CTU2: variants seen among roughly 807,000 people sequenced by gnomAD.
CTU2 encodes cytosolic thiouridylase subunit 2, also known as cytoplasmic tRNA 2-thiolation protein 2.
In CTU2, 80 loss-of-function variants were observed where a neutral mutation model predicts 64.1. The observed-to-expected ratio is 1.25, with a 90% CI of 1.04 to 1.50. CTU2 has a LOEUF of 1.50. CTU2 is among the 40% of genes most tolerant of loss of function. The pLI is 0.00. For synonymous variants in CTU2, 482 were observed against 285.3 expected (o/e 1.69, Z -6.95); for missense variants, 1,110 against 690.2 (o/e 1.61, Z -6.81).
In CTU2 at chr16:88,710,053, T is replaced by C. The variant is rs115768982; in HGVS notation, c.222+37T>C. The C allele has an allele frequency of 9.9e-4, 1,594 of 1,607,372 alleles. 17 individuals carry two copies. The African/African-American group carries it at 0.018, about 18-fold the overall frequency. On this transcript the variant is annotated intron_variant, in intron 3 of 14. Transcript: ENST00000453996. ...GTCCTGGGGGTCTGACTGAGCAGCC[T>C]GGCCCCTCGAGGTCCCTGCTTGTCC...
intron 1 of CTU2, chr16:88,706,930 C>T (rs779813952): frequency 6.8e-6 from 4 of 584,380 alleles, no homozygotes; most frequent in South Asian, 2.2e-5. Context: ...GCCCCCTGAG[C>T]CGGCTTTTCT....
chr16:88,714,460 T>G lies in CTU2; in HGVS notation c.1175T>G (p.Met392Arg). The change falls in exon 11 of 15, where the codon ATG becomes AGG. Residue 392 changes from methionine to arginine, a missense_variant. Met to Arg is a moderately conservative substitution (Grantham distance 91). Transcript: ENST00000453996. ...TCCGGCCCCCGCTGCCTCCTCTGCA[T>G]GTGTGCCCTGGACGTCGACGCCGCT... The part of the protein sequence containing the change: ...GDSGPRCLLC[M>R]CALDVDAADS... The G allele has an allele frequency of 6.2e-7, 1 of 1,612,558 alleles. No individual in the cohort carries two copies. Among genetic ancestry groups the G allele is most frequent in the South Asian group, 1.1e-5 (1 of 91,082 alleles).
chr16:88,715,214 T>C lies in CTU2; in HGVS notation c.1511T>C (p.Leu504Pro). ...GGCTTGCAGGAGATCCGGGACTGTC[T>C]GATTGAGGACAGTGACGACGAGGCG... The part of the protein sequence containing the change: ...AWGLQEIRDC[L>P]IEDSDDEAGQ... Residue 504 changes from leucine (L) to proline (P), a missense_variant, in exon 15 of 15, where the codon CTG becomes CCG. Transcript: ENST00000453996. The C allele has an allele frequency of 6.2e-7, 1 of 1,612,294 alleles. No homozygotes were observed. Among genetic ancestry groups the C allele is most frequent in the Non-Finnish European group, 8.5e-7 (1 of 1,179,856 alleles).
In CTU2 at chr16:88,709,943, G is replaced by GT. The variant is rs1911181243; in HGVS notation, c.152dup (p.Lys52GlnfsTer43). On this transcript the variant is annotated frameshift_variant, in exon 3 of 15. Transcript: ENST00000453996. LOFTEE classifies it high-confidence loss of function. ...ATCTCAGGTCTGTGTTGCAGGGACTGTTTCAAGGCCTTCTACGTCCACAAG... is the reference window on the plus strand; with the variant it reads ...ATCTCAGGTCTGTGTTGCAGGGACTGTTTTCAAGGCCTTCTACGTCCACAAG... 1 of 1,613,852 alleles carries GT rather than the reference G, an allele frequency of 6.2e-7. No individual in the cohort carries two copies.
intron 2 of CTU2, chr16:88,708,965 T>G (rs898421372): frequency 3.9e-5 from 6 of 152,154 alleles, no homozygotes; most frequent in African/African-American, 1.2e-4. Flanking sequence ...GTCAGATGGC[T>G]GGAAAGTTTA....
chr16:88,713,329 A>T lies in CTU2; in HGVS notation c.755A>T (p.His252Leu). 2 of 1,551,760 alleles carry T rather than the reference A, an allele frequency of 1.3e-6. No individual in the cohort carries two copies. The highest frequency in any genetic ancestry group is 1.7e-6 in the Non-Finnish European group (2 of 1,148,604). ...LQTLRTHLIL[H>L]MARAHGYSKV... is the part of the protein sequence containing the mutation. Reference sequence around the variant, plus strand: ...TGCTTTAGGACCCACCTGATCCTCCACATGGCCCGAGCCCACGGCTACTCC... The same window carrying T: ...TGCTTTAGGACCCACCTGATCCTCCTCATGGCCCGAGCCCACGGCTACTCC... The change falls in exon 8 of 15, where the codon CAC becomes CTC. Residue 252 changes from histidine (H) to leucine (L), a missense_variant. Physicochemically the swap from His to Leu is moderately conservative, Grantham distance 99. Coordinates refer to ENST00000453996, the MANE Select transcript of CTU2 (RefSeq NM_001012759.3).
Position 88,714,117 on chromosome 16 carries a change from C to G in CTU2, c.1006-19C>G, listed in dbSNP as rs569260103. The G allele has an allele frequency of 6.2e-7, 1 of 1,611,264 alleles. No homozygotes were observed. The highest frequency in any genetic ancestry group is 1.1e-5 in the South Asian group (1 of 91,068). On this transcript the variant is annotated intron_variant, in intron 9 of 14. Coordinates refer to ENST00000453996, the MANE Select transcript of CTU2 (RefSeq NM_001012759.3). ...TGGCCTCTGGGCTTTCCCATAGCCT[C>G]CAATCTGATTGTCCCTAGGCCCCTG...
intron 5 of CTU2, 138 bp from the exon 6 acceptor site, chr16:88,712,136 C>G (rs571453816): frequency 2.5e-6 from 2 of 785,236 alleles, no homozygotes; most frequent in Admixed American, 4.0e-5. Flanking sequence ...GGAAAATGGC[C>G]GACACCCCAC....
rs745588126 is a variant in CTU2, at chr16:88,712,740, G to C, written c.572G>C (p.Gly191Ala). The C allele has an allele frequency of 6.2e-7, 1 of 1,609,186 alleles. No homozygotes were observed. ...FLQQQHVLGAGGGPGPTQGEE... is the reference protein window; with the variant it reads ...FLQQQHVLGAAGGPGPTQGEE... ...CAGCAGCAGCATGTGCTGGGGGCCG[G>C]GGGTGGTCCTGGCCCGACTCAAGGG... Residue 191 changes from glycine (G) to alanine (A), a missense_variant, in exon 7 of 15, where the codon GGG (glycine) becomes GCG (alanine). By Grantham distance (60) the Gly-to-Ala change is moderately conservative. Coordinates refer to ENST00000453996, the MANE Select transcript of CTU2 (RefSeq NM_001012759.3).
At chr16:88,714,963 G>A (rs1196163630) in intron 13 of CTU2, 37 bp downstream of exon 13, 2 of 1,597,788 alleles carry the variant, frequency 1.3e-6, no homozygotes, top group East Asian at 2.3e-5. Flanking sequence ...CCGGGCTTGG[G>A]GACGCGGGAA....
At chr16:88,713,604 A>G in intron 8 of CTU2, 43 bp from the exon 9 acceptor site, 1 of 1,595,914 alleles carries the variant, frequency 6.3e-7, no homozygotes, top group Non-Finnish European at 8.6e-7. Context: ...GGGCAAGCAC[A>G]TTCGGGCCTT....
chr16:88,710,433 C>G (rs538292159), intron 4 of CTU2, 151 bp downstream of exon 4: 581 of 695,306 alleles, frequency 8.4e-4, no homozygotes, highest in Non-Finnish European at 1.2e-3. Context: ...GATGTGTTCA[C>G]AACAGGTGCA....
At chr16:88,712,194 T>C (rs764490899) in intron 5 of CTU2, 80 bp from the exon 6 acceptor site, 4 of 1,254,506 alleles carry the variant, frequency 3.2e-6, no homozygotes, top group Non-Finnish European at 4.6e-6. Context: ...TCGAAGGGTT[T>C]TCCCAGGTGG....
chr16:88,713,479 A>C (rs760907736), intron 8 of CTU2, 32 bp downstream of exon 8: 3 of 1,561,878 alleles, frequency 1.9e-6, no homozygotes, highest in Admixed American at 2.1e-5. Context: ...CAGGAGGCCC[A>C]TCCTCACCTT....
At chr16:88,712,561 T>C (rs1382195377) in intron 6 of CTU2, 61 bp from the exon 7 acceptor site, 6 of 1,567,500 alleles carry the variant, frequency 3.8e-6, no homozygotes, top group Non-Finnish European at 5.2e-6. Flanking sequence ...AAGGTGGGGC[T>C]GTCTGTGGGG....
intron 2 of CTU2, among the ~76,000 whole-genome samples, chr16:88,708,346 G>A (rs550925967): frequency 1.3e-5 from 2 of 152,294 alleles, no homozygotes; most frequent in South Asian, 2.1e-4. Flanking sequence ...AGGTCAGCAC[G>A]TGGGAGAAAC....
At chr16:88,707,063 C>T in intron 1 of CTU2, 73 bp from the exon 2 acceptor site, 3 of 1,467,216 alleles carry the variant, frequency 2.0e-6, no homozygotes, top group Admixed American at 1.7e-5. Flanking sequence ...CAGGAGCTGT[C>T]TCCCCAAAGC....
intron 4 of CTU2, 179 bp downstream of exon 4, chr16:88,710,461 CCA>C (rs1911227401): frequency 3.2e-6 from 2 of 618,678 alleles, no homozygotes; most frequent in South Asian, 2.0e-5. Flanking sequence ...GGAGCTGAGT[CCA>C]CAGTGTGTGT....
intron 1 of CTU2, 186 bp from the exon 2 acceptor site, chr16:88,706,950 A>G (rs768801464): frequency 6.7e-5 from 41 of 610,390 alleles, no homozygotes; most frequent in Non-Finnish European, 9.8e-5. Flanking sequence ...TAGGCTAAAC[A>G]TCCCCCCAGA....
Sources: gnomAD v4.1 joint callset for allele counts (sites outside exome capture counted in the v4.1 genomes callset) on GRCh38, gnomAD v4.1.1 for gene constraint, MANE v1.5 for transcripts, NCBI Gene and HGNC (gene_info 2026-07-23, HGNC 2026-07-21) for gene names.